The following HUNK variants were observed in gnomAD, a reference collection of about 807,000 sequenced individuals.
The protein encoded by HUNK is hormonally up-regulated neu tumor-associated kinase.
Under a neutral mutation model 61.0 loss-of-function variants are expected in HUNK, and 21 were observed. The observed-to-expected ratio is 0.34, with a 90% CI of 0.24 to 0.50. The LOEUF (loss-of-function observed/expected upper bound fraction) is 0.50, where lower values mean the gene tolerates loss of function less well. HUNK is among the 20% of genes least tolerant of loss of function. The probability of loss-of-function intolerance (pLI) is 0.98; values close to 1 mark genes in which losing one functional copy is unlikely to be tolerated. For missense variants in HUNK, 772 were observed against 945.7 expected, an observed-to-expected ratio of 0.82 and a Z score of 2.41; for synonymous variants, 371 against 386.1, an observed-to-expected ratio of 0.96 and a Z score of 0.46.
Position 32,001,718 on chromosome 21 carries a change from G to GA in HUNK, c.*2535dup, listed in dbSNP as rs1425930518. ...AAACCGAGTGAAAGGAGAAATGTTA[G>GA]ATTCTTTATTATTTTATTATATTTA... On this transcript the variant is annotated 3_prime_UTR_variant, in exon 11 of 11. Transcript: ENST00000270112. The GA allele has an allele frequency of 6.6e-6, 1 of 152,510 alleles. No individual in the cohort carries two copies. The highest frequency in any genetic ancestry group is 6.5e-5 in the Admixed American group (1 of 15,274). The allele number at this position is 152,510 out of a possible 1,614,324, so 9.4% of individuals were successfully genotyped here.
intron 1 of HUNK, among the ~76,000 whole-genome samples, chr21:31,884,695 C>G (rs1399521872): frequency 1.3e-5 from 2 of 152,166 alleles, no homozygotes; most frequent in Non-Finnish European, 2.9e-5. Flanking sequence ...CCAGAAAACA[C>G]GCCCTCATCA....
At chr21:31,964,818 C>T (rs953260026) in intron 5 of HUNK, among the ~76,000 whole-genome samples, 3 of 152,066 alleles carry the variant, frequency 2.0e-5, no homozygotes, top group South Asian at 2.1e-4. Flanking sequence ...GCAGAGCGCT[C>T]GGTTATGAAA....
chr21:31,983,956 C>A (rs11700534), intron 8 of HUNK, among the ~76,000 whole-genome samples: 21,745 of 152,098 alleles, frequency 0.14, 1,763 homozygotes, highest in South Asian at 0.27. Context: ...AAGTTGAAAA[C>A]CACTGTCAGG....
chr21:31,908,786 G>C (rs956581793), intron 1 of HUNK, among the ~76,000 whole-genome samples: 1 of 152,192 alleles, frequency 6.6e-6, no homozygotes, highest in African/African-American at 2.4e-5. Context: ...GATGATTAAA[G>C]ATGGGGCAGA....
At chr21:31,874,023 AGTGTGCAGTCCCG>A in intron 1 of HUNK, 88 bp downstream of exon 1, 1 of 1,073,604 alleles carries the variant, frequency 9.3e-7, no homozygotes, top group Non-Finnish European at 1.2e-6. Flanking sequence ...TGGGAGTCCC[AGTGTGCAGTCCCG>A]GGCCAAGCGC....
At chr21:31,969,424 C>T (rs925540156) in intron 6 of HUNK, among the ~76,000 whole-genome samples, 3 of 152,200 alleles carry the variant, frequency 2.0e-5, no homozygotes, top group Non-Finnish European at 4.4e-5. Flanking sequence ...GAAGGCTTCA[C>T]TTTATCAGTT....
At chr21:31,951,647 A>G (rs933117078) in intron 4 of HUNK, among the ~76,000 whole-genome samples, 1 of 152,184 alleles carries the variant, frequency 6.6e-6, no homozygotes, top group African/African-American at 2.4e-5. Flanking sequence ...CTGTTTTCAC[A>G]TAGTGGAAAA....
intron 7 of HUNK, among the ~76,000 whole-genome samples, chr21:31,976,624 G>A (rs1459562101): frequency 1.3e-5 from 2 of 151,246 alleles, no homozygotes; most frequent in Non-Finnish European, 2.9e-5. Context: ...GTGCCACCAC[G>A]CTTGTCTAAT....
intron 5 of HUNK, among the ~76,000 whole-genome samples, 154 bp from the exon 6 acceptor site, chr21:31,968,096 A>C (rs2052980172): frequency 6.6e-6 from 1 of 152,148 alleles, no homozygotes; most frequent in Admixed American, 6.5e-5. Context: ...CGATTCATTG[A>C]ATCGGAACCC....
At position 31,873,608 on chromosome 21, in the gene HUNK, G is replaced by A. The variant is rs1339224026; in HGVS notation, c.-67G>A. Reference sequence around the variant, plus strand: ...GGCGGGAGAAGCCGGGGAAGCCGAAGAGCCTGGGGAGGAGGAGCTGCGAGC... The same window carrying A: ...GGCGGGAGAAGCCGGGGAAGCCGAAAAGCCTGGGGAGGAGGAGCTGCGAGC... On this transcript the variant is annotated 5_prime_UTR_variant, in exon 1 of 11. Coordinates refer to ENST00000270112, the MANE Select transcript of HUNK (RefSeq NM_014586.2). This position sits in a 1 kb window ranked among gnomAD's most constrained non-coding sequence, Gnocchi z 6.1. The A allele has an allele frequency of 4.1e-6, 4 of 985,428 alleles. No homozygotes were observed. The highest frequency in any genetic ancestry group is 3.6e-6 in the Non-Finnish European group (3 of 829,016). The allele number at this position is 985,428 out of a possible 1,614,324, so 61.0% of individuals were successfully genotyped here.
intron 4 of HUNK, among the ~76,000 whole-genome samples, chr21:31,953,279 G>A (rs1037235932): frequency 7.4e-6 from 1 of 135,758 alleles, no homozygotes; most frequent in Non-Finnish European, 1.6e-5. Context: ...TTTCGCTCTT[G>A]TTGCCCAGGC....
intron 1 of HUNK, among the ~76,000 whole-genome samples, chr21:31,912,958 G>T (rs933405613): frequency 6.6e-6 from 1 of 152,216 alleles, no homozygotes; most frequent in Admixed American, 6.5e-5. Context: ...GGCTGAAGTC[G>T]TGGGATTTCC....
intron 4 of HUNK, among the ~76,000 whole-genome samples, chr21:31,956,946 T>C (rs1352356021): frequency 6.6e-6 from 1 of 152,216 alleles, no homozygotes; most frequent in African/African-American, 2.4e-5. Flanking sequence ...TTGTTCATTC[T>C]TGTTTCCATT....
intron 1 of HUNK, among the ~76,000 whole-genome samples, chr21:31,885,600 C>A (rs141570466): frequency 6.1e-4 from 93 of 152,306 alleles, no homozygotes; most frequent in African/African-American, 2.1e-3. Context: ...CAGGGTGGGT[C>A]CTTCTGAGGC....
At chr21:31,882,772 TTG>T (rs1255033819) in intron 1 of HUNK, among the ~76,000 whole-genome samples, 1 of 152,212 alleles carries the variant, frequency 6.6e-6, no homozygotes, top group Non-Finnish European at 1.5e-5. Context: ...CTATGTATGT[TTG>T]TACCCATGAA....
Position 31,999,265 on chromosome 21 carries a change from C to A in HUNK, c.*81C>A. 1 of 1,315,938 alleles carries A rather than the reference C, an allele frequency of 7.6e-7. No homozygotes were observed. Among genetic ancestry groups the A allele is most frequent in the Non-Finnish European group, 1.1e-6 (1 of 949,750 alleles). 81.5% of individuals were successfully genotyped at this position (1,315,938 alleles called of 1,614,324 possible). A position where few individuals can be genotyped will look rare whatever the true frequency, so the allele number is the denominator to read the frequency against. Reference sequence around the variant, plus strand: ...ACACATCTGTCAGGGTGTGAGCACTCCAAGGCCTCGCGTGGAGCATCCTTA... The same window carrying A: ...ACACATCTGTCAGGGTGTGAGCACTACAAGGCCTCGCGTGGAGCATCCTTA... On this transcript the variant is annotated 3_prime_UTR_variant, in exon 11 of 11. Coordinates refer to ENST00000270112, the MANE Select transcript of HUNK (RefSeq NM_014586.2).
intron 1 of HUNK, among the ~76,000 whole-genome samples, chr21:31,884,592 CA>C (rs71320207): frequency 0.14 from 20,715 of 146,938 alleles, 1,638 homozygotes; most frequent in East Asian, 0.37. Context: ...AACTCTGTCT[CA>C]AAAAAAAAAT....
chr21:31,930,672 T>C (rs956954768), intron 2 of HUNK, among the ~76,000 whole-genome samples: 1 of 152,216 alleles, frequency 6.6e-6, no homozygotes, highest in South Asian at 2.1e-4. Flanking sequence ...AAGACTTTGT[T>C]GAATGAAGGA....
At chr21:31,987,273 C>T (rs990993987) in intron 8 of HUNK, among the ~76,000 whole-genome samples, 2 of 152,204 alleles carry the variant, frequency 1.3e-5, no homozygotes, top group Non-Finnish European at 2.9e-5. Flanking sequence ...CTTATGGTCA[C>T]CTGCACTGAG....
Sources: allele counts gnomAD v4.1 joint callset (sites outside exome capture counted in the v4.1 genomes callset), GRCh38; gene constraint gnomAD v4.1.1; non-coding constraint Gnocchi (gnomAD v3.1); transcripts MANE v1.5; gene names NCBI Gene and HGNC (gene_info 2026-07-23, HGNC 2026-07-21).